The following TIGAR variants were observed in gnomAD, a reference collection of about 807,000 sequenced individuals.
TIGAR encodes TP53 induced glycolysis regulatory phosphatase.
TIGAR carries 7 observed loss-of-function variants against 17.9 expected under a neutral mutation model. That is an observed-to-expected ratio of 0.39 (90% CI 0.22 to 0.73). The LOEUF (loss-of-function observed/expected upper bound fraction) is 0.73. Ranked by LOEUF, TIGAR falls within the 30% of genes least tolerant of loss-of-function variation. The probability of loss-of-function intolerance (pLI) is 0.42; values close to 1 mark genes in which losing one functional copy is unlikely to be tolerated. For synonymous variants in TIGAR, 94 were observed against 108.6 expected (o/e 0.87, Z 0.84); for missense variants, 258 against 327.4 (o/e 0.79, Z 1.64).
rs573792462 is a variant in TIGAR, at chr12:4,356,871, C to A, written c.*4180C>A. 6.6e-6 allele frequency among the ~76,000 whole-genome samples: 1 copy of A among 152,280 alleles called. No homozygotes were observed. The highest frequency in any genetic ancestry group is 2.1e-4 in the South Asian group (1 of 4,828). On this transcript the variant is annotated 3_prime_UTR_variant, in exon 6 of 6. Transcript: ENST00000179259. ...TCAAGCAGAGCCTGTCGCTTAGGCT[C>A]CCTTGCACCTGGAGTCGAAACCATG...
In TIGAR at chr12:4,351,338, C is replaced by T. The variant is rs780467489; in HGVS notation, c.342C>T (p.Cys114=). ...TGGCCAAAGCAGCCAGGGAAGAGTG[C>T]CCTGTGTTTACACCGCCCGGAGGAG... The part of the protein sequence containing the change: ...RAMAKAAREE[C]PVFTPPGGET... Residue 114 remains cysteine (C), a synonymous_variant, in exon 5 of 6, where the codon TGC becomes TGT. Transcript: ENST00000179259. 1 of 1,614,124 alleles carries T rather than the reference C, an allele frequency of 6.2e-7. No homozygotes were observed. The highest frequency in any genetic ancestry group is 1.1e-5 in the South Asian group (1 of 91,080).
intron 3 of TIGAR, among the ~76,000 whole-genome samples, chr12:4,345,435 A>G (rs111934820): frequency 0.018 from 2,777 of 152,300 alleles, 71 homozygotes; most frequent in African/African-American, 0.063. Context: ...AACAGAACAG[A>G]GCCCTCAGAA....
chr12:4,332,676 G>T (rs78492628), intron 2 of TIGAR, among the ~76,000 whole-genome samples: 7,406 of 152,200 alleles, frequency 0.049, 525 homozygotes, highest in East Asian at 0.33. Context: ...ATGCTTTTGT[G>T]TTCTGTCAGT....
At chr12:4,331,943 T>C (rs927168133) in intron 2 of TIGAR, among the ~76,000 whole-genome samples, 1 of 152,110 alleles carries the variant, frequency 6.6e-6, no homozygotes. Context: ...ACTTCCGGGG[T>C]TTACAAAAAC....
intron 3 of TIGAR, among the ~76,000 whole-genome samples, chr12:4,338,457 A>C (rs1048448334): frequency 7.2e-5 from 11 of 152,166 alleles, no homozygotes; most frequent in Admixed American, 1.3e-4. Flanking sequence ...CAAAACTTGG[A>C]ATTTGGGGAG....
chr12:4,334,843 A>G (rs1864641370), intron 2 of TIGAR, among the ~76,000 whole-genome samples: 1 of 152,164 alleles, frequency 6.6e-6, no homozygotes, highest in Non-Finnish European at 1.5e-5. Flanking sequence ...TATCAGCTAA[A>G]TGGTGTTCCA....
intron 1 of TIGAR, among the ~76,000 whole-genome samples, chr12:4,326,968 G>A (rs1178331160): frequency 6.6e-6 from 1 of 152,068 alleles, no homozygotes; most frequent in African/African-American, 2.4e-5. Flanking sequence ...AATTGTGTTA[G>A]CAACCTATAA....
intron 4 of TIGAR, among the ~76,000 whole-genome samples, chr12:4,350,669 C>T (rs1176968681): frequency 4.0e-5 from 6 of 150,962 alleles, no homozygotes; most frequent in Admixed American, 3.3e-4. Flanking sequence ...CCCAGCTACT[C>T]GGGAGGCTGA....
chr12:4,340,262 A>T (rs192024279), intron 3 of TIGAR, among the ~76,000 whole-genome samples: 6 of 152,256 alleles, frequency 3.9e-5, no homozygotes, highest in Admixed American at 3.9e-4. Context: ...GAATATGCCA[A>T]CAATGAATAA....
intron 1 of TIGAR, among the ~76,000 whole-genome samples, chr12:4,327,149 C>G (rs1219963800): frequency 6.6e-6 from 1 of 152,122 alleles, no homozygotes; most frequent in African/African-American, 2.4e-5. Context: ...TAGCTCGCAC[C>G]TATAATCCCA....
intron 4 of TIGAR, 118 bp from the exon 5 acceptor site, chr12:4,351,149 T>C: frequency 1.2e-6 from 1 of 834,862 alleles, no homozygotes; most frequent in South Asian, 1.6e-5. Context: ...TAGAATCAAT[T>C]AAGTGGAGGA....
chr12:4,323,094 C>G (rs1237734027), intron 1 of TIGAR, among the ~76,000 whole-genome samples: 2 of 149,758 alleles, frequency 1.3e-5, no homozygotes. Flanking sequence ...GGTGAAACCT[C>G]CTCTCTACAA....
rs1289378262 is a variant in TIGAR at position 4,359,352 on chromosome 12, CCTT to C, written c.*6665_*6667del. Among the ~76,000 whole-genome samples the C allele has an allele frequency of 3.9e-5, 6 of 152,092 alleles. No individual in the cohort carries two copies. The highest frequency in any genetic ancestry group is 1.4e-4 in the African/African-American group (6 of 41,406). On this transcript the variant is annotated 3_prime_UTR_variant, in exon 6 of 6. Coordinates refer to ENST00000179259, the MANE Select transcript of TIGAR (RefSeq NM_020375.3). The stretch of plus-strand genomic sequence containing the variant: ...TTATGTTCTGGTGACATAATCTCAT[CCTT>C]CTTTAAGTACTTTCTTTCTGGTATT...
At chr12:4,340,350 A>G (rs1319671617) in intron 3 of TIGAR, among the ~76,000 whole-genome samples, 7 of 152,240 alleles carry the variant, frequency 4.6e-5, no homozygotes, top group African/African-American at 1.7e-4. Context: ...AAAGAAGTGA[A>G]AGAGCTCCAC....
chr12:4,349,762 T>C, intron 3 of TIGAR, 57 bp from the exon 4 acceptor site: 1 of 1,366,940 alleles, frequency 7.3e-7, no homozygotes, highest in South Asian at 1.3e-5. Context: ...CTTTCAGTGC[T>C]TCCACCAGAA....
chr12:4,352,118 G>T, intron 5 of TIGAR, 142 bp from the exon 6 acceptor site: 1 of 671,602 alleles, frequency 1.5e-6, no homozygotes, highest in South Asian at 2.0e-5. Flanking sequence ...TGAACGAATA[G>T]AAATGTAGAT....
At chr12:4,341,143 G>C (rs1328608237) in intron 3 of TIGAR, among the ~76,000 whole-genome samples, 3 of 152,158 alleles carry the variant, frequency 2.0e-5, no homozygotes, top group Non-Finnish European at 2.9e-5. Context: ...CTACCCATCT[G>C]ACAAGGGATT....
intron 1 of TIGAR, among the ~76,000 whole-genome samples, chr12:4,322,559 A>G (rs1864492538): frequency 6.6e-6 from 1 of 152,252 alleles, no homozygotes; most frequent in African/African-American, 2.4e-5. Context: ...GCACACCAGC[A>G]TTTTGAGTAG....
rs4026708 is a variant in TIGAR, at chr12:4,358,103, C to CAAA, written c.*5428_*5430dup. On this transcript the variant is annotated 3_prime_UTR_variant, in exon 6 of 6. Coordinates refer to ENST00000179259, the MANE Select transcript of TIGAR (RefSeq NM_020375.3). ...TGGGTGACAGAGCAAGACTGGGTCT[C>CAAA]AAAAAAAAAAAAAAAAAATCATTTG... Among the ~76,000 whole-genome samples the CAAA allele has an allele frequency of 2.8e-3, 348 of 123,214 alleles. 4 individuals carry two copies. The highest frequency in any genetic ancestry group is 3.2e-3 in the Non-Finnish European group (195 of 60,884). 80.8% of individuals were successfully genotyped at this position (123,214 alleles called of 152,430 possible). A position where few individuals can be genotyped will look rare whatever the true frequency, so the allele number is the denominator to read the frequency against.
Sources: gnomAD v4.1 joint callset for allele counts (sites outside exome capture counted in the v4.1 genomes callset) on GRCh38, gnomAD v4.1.1 for gene constraint, MANE v1.5 for transcripts, NCBI Gene and HGNC (gene_info 2026-07-23, HGNC 2026-07-21) for gene names.